Variants in ZFAND3 observed in about 807,000 individuals in gnomAD.
ZFAND3 encodes the protein zinc finger AN1-type containing 3.
ZFAND3 carries 10 observed loss-of-function variants against 29.6 expected under a neutral mutation model. That is an observed-to-expected ratio of 0.34 (90% CI 0.21 to 0.57). The LOEUF (loss-of-function observed/expected upper bound fraction) is 0.57, where lower values mean the gene tolerates loss of function less well. Ranked by LOEUF, ZFAND3 falls within the 20% of genes least tolerant of loss-of-function variation. ZFAND3 has a pLI of 0.86. For synonymous variants in ZFAND3, 128 were observed against 112.6 expected, an observed-to-expected ratio of 1.14 and a Z score of -0.87; for missense variants, 230 against 304.5, an observed-to-expected ratio of 0.76 and a Z score of 1.82.
chr6:38,040,048 A>G (rs1763730636), intron 2 of ZFAND3, among the ~76,000 whole-genome samples: 2 of 151,722 alleles, frequency 1.3e-5, no homozygotes, highest in South Asian at 4.2e-4. Flanking sequence ...TAAAAACTAG[A>G]AAAAAAACAC....
chr6:38,101,134 T>G (rs1014795922), intron 4 of ZFAND3, among the ~76,000 whole-genome samples: 20 of 152,244 alleles, frequency 1.3e-4, no homozygotes, highest in Non-Finnish European at 2.8e-4. Context: ...GTTAGATAGT[T>G]GCTCCTCTCA....
intron 2 of ZFAND3, among the ~76,000 whole-genome samples, chr6:37,976,823 G>A (rs1011549824): frequency 1.3e-5 from 2 of 152,024 alleles, no homozygotes; most frequent in African/African-American, 4.8e-5. Context: ...GAACAGCATG[G>A]GGGAAACCAC....
chr6:38,082,142 G>GTTTTTT (rs771690113), intron 3 of ZFAND3, among the ~76,000 whole-genome samples: 8 of 145,448 alleles, frequency 5.5e-5, no homozygotes, highest in Non-Finnish European at 7.6e-5. Flanking sequence ...AGACTCGGCT[G>GTTTTTT]TTTTTTTTTT....
intron 4 of ZFAND3, among the ~76,000 whole-genome samples, chr6:38,085,378 A>G (rs1764736810): frequency 6.6e-6 from 1 of 152,272 alleles, no homozygotes; most frequent in Admixed American, 6.5e-5. Flanking sequence ...ACAAGGTTGG[A>G]CCTAAAGCAG....
At chr6:37,991,334 A>G (rs900672282) in intron 2 of ZFAND3, among the ~76,000 whole-genome samples, 78 of 151,124 alleles carry the variant, frequency 5.2e-4, no homozygotes, top group South Asian at 5.1e-3. Context: ...CATTTTTAAA[A>G]TTTATTTTAT....
chr6:38,031,866 C>G (rs1441968635), intron 2 of ZFAND3, among the ~76,000 whole-genome samples: 1 of 135,040 alleles, frequency 7.4e-6, no homozygotes, highest in African/African-American at 2.7e-5. Flanking sequence ...CAGGGTCTTG[C>G]TGTATCACCC....
At chr6:37,834,870 A>AG (rs1482412172) in intron 1 of ZFAND3, among the ~76,000 whole-genome samples, 2 of 150,600 alleles carry the variant, frequency 1.3e-5, no homozygotes, top group Non-Finnish European at 3.0e-5. Context: ...AAAAAACTAG[A>AG]TACTACCAGT....
intron 2 of ZFAND3, among the ~76,000 whole-genome samples, chr6:37,952,194 TATCAGA>T (rs1464353789): frequency 5.9e-5 from 9 of 152,148 alleles, no homozygotes; most frequent in Non-Finnish European, 1.3e-4. Context: ...CAGGTTTTGG[TATCAGA>T]ATGATGCTGA....
At chr6:37,834,792 TATA>T (rs1333433406) in intron 1 of ZFAND3, among the ~76,000 whole-genome samples, 7 of 151,666 alleles carry the variant, frequency 4.6e-5, no homozygotes, top group East Asian at 1.9e-4. Flanking sequence ...ATCATGCATA[TATA>T]ATGATATATG....
At chr6:38,089,173 G>A (rs1764816450) in intron 4 of ZFAND3, among the ~76,000 whole-genome samples, 1 of 151,828 alleles carries the variant, frequency 6.6e-6, no homozygotes, top group Non-Finnish European at 1.5e-5. Context: ...GGAGTACAGT[G>A]GTACAGTGGT....
chr6:37,928,961 G>T (rs555745445), intron 1 of ZFAND3, among the ~76,000 whole-genome samples: 7 of 152,170 alleles, frequency 4.6e-5, no homozygotes, highest in African/African-American at 7.2e-5. Flanking sequence ...TCCTAGCTTT[G>T]TGACCTAGAA....
At chr6:37,954,481 A>G (rs1762051508) in intron 2 of ZFAND3, among the ~76,000 whole-genome samples, 1 of 152,168 alleles carries the variant, frequency 6.6e-6, no homozygotes, top group Non-Finnish European at 1.5e-5. Flanking sequence ...TTTCAATCTC[A>G]CATGCTACAG....
At chr6:38,074,951 C>T (rs1446071066) in intron 3 of ZFAND3, among the ~76,000 whole-genome samples, 1 of 152,188 alleles carries the variant, frequency 6.6e-6, no homozygotes, top group Admixed American at 6.5e-5. Flanking sequence ...CTGTTTATAG[C>T]ATCATTCACT....
At chr6:37,846,453 A>G (rs1287674198) in intron 1 of ZFAND3, among the ~76,000 whole-genome samples, 1 of 152,194 alleles carries the variant, frequency 6.6e-6, no homozygotes, top group African/African-American at 2.4e-5. Context: ...AAATTATAGT[A>G]TTAAAGTTAT....
At chr6:37,920,039 GT>G (rs1173749251) in intron 1 of ZFAND3, among the ~76,000 whole-genome samples, 1 of 90,588 alleles carries the variant, frequency 1.1e-5, no homozygotes, top group Non-Finnish European at 2.4e-5. Context: ...TCACTTCCAG[GT>G]TTTTTTTGAA....
At position 37,913,708 on chromosome 6, in the gene ZFAND3, C is replaced by CTTTTTTTTTTTTTTTTTTTTTTTTTT. The variant is rs56045448; in HGVS notation, c.72-16232_72-16231insTTTTTTTTTTTTTTTTTTTTTTTTTT. Among the ~76,000 whole-genome samples the CTTTTTTTTTTTTTTTTTTTTTTTTTT allele has an allele frequency of 1.9e-4, 21 of 113,038 alleles. 2 individuals carry two copies. The highest frequency in any genetic ancestry group is 4.0e-4 in the African/African-American group (12 of 29,772). The allele number at this position is 113,038 out of a possible 152,430, so 74.2% of individuals were successfully genotyped here. ...CCCAGCTGTCTATGGCAGCTATATT[C>CTTTTTTTTTTTTTTTTTTTTTTTTTT]TTTTTTTTTTTTTTTTTTTGAGACA... On this transcript the variant is annotated intron_variant, in intron 1 of 5. Coordinates refer to ENST00000287218, the MANE Select transcript of ZFAND3 (RefSeq NM_021943.3).
intron 1 of ZFAND3, among the ~76,000 whole-genome samples, chr6:37,908,542 T>TAAAAAAAAAAAAAAAAAGA (rs1765453701): frequency 1.6e-5 from 2 of 124,130 alleles, no homozygotes; most frequent in South Asian, 2.7e-4. Context: ...AAAAAAAAAT[T>TAAAAAAAAAAAAAAAAAGA]AAAAAAAAAA....
At position 38,153,370 on chromosome 6, in the gene ZFAND3, C is replaced by T. The variant is rs575078452; in HGVS notation, c.*981C>T. 1.1e-5 allele frequency: 11 copies of T among 985,502 alleles called. No homozygotes were observed. The highest frequency in any genetic ancestry group is 2.3e-4 in the East Asian group (2 of 8,814). 61.0% of individuals were successfully genotyped at this position (985,502 alleles called of 1,614,324 possible). A position where few individuals can be genotyped will look rare whatever the true frequency, so the allele number is the denominator to read the frequency against. ...GGGCTCTGCCCCTTCCAGCTGGAGC[C>T]GCCCGTGCCTCCAGGGGCCAAGAGG... On this transcript the variant is annotated 3_prime_UTR_variant, in exon 6 of 6. Transcript: ENST00000287218.
intron 1 of ZFAND3, among the ~76,000 whole-genome samples, chr6:37,896,522 C>G (rs1006474802): frequency 1.9e-5 from 2 of 105,336 alleles, no homozygotes; most frequent in Non-Finnish European, 3.7e-5. Context: ...TCTTTTCTTT[C>G]TTTCTTTCTT....
Sources: gnomAD v4.1 joint callset for allele counts (sites outside exome capture counted in the v4.1 genomes callset) on GRCh38, gnomAD v4.1.1 for gene constraint, MANE v1.5 for transcripts, NCBI Gene and HGNC (gene_info 2026-07-23, HGNC 2026-07-21) for gene names.